TTLL9: variants seen among roughly 807,000 people sequenced by gnomAD.
TTLL9 encodes the protein tubulin tyrosine ligase like 9.
In TTLL9, 47 loss-of-function variants were observed where a neutral mutation model predicts 65.6. That is an observed-to-expected ratio of 0.72 (90% CI 0.57 to 0.91). TTLL9 has a LOEUF of 0.91. Among genes scored for constraint, TTLL9 ranks in the 40% least tolerant of loss-of-function variants. The pLI is 0.00. For missense variants in TTLL9, 537 were observed against 568.8 expected (o/e 0.94, Z 0.57); for synonymous variants, 179 against 204.8 (o/e 0.87, Z 1.07).
intron 3 of TTLL9, among the ~76,000 whole-genome samples, chr20:31,892,133 A>T (rs1410539106): frequency 1.3e-5 from 2 of 151,312 alleles, no homozygotes; most frequent in African/African-American, 4.9e-5. Context: ...ATACTTATTA[A>T]TTCATTTAAA....
chr20:31,903,579 GTCT>G (rs1174051867), intron 4 of TTLL9, among the ~76,000 whole-genome samples: 3 of 152,098 alleles, frequency 2.0e-5, no homozygotes, highest in Non-Finnish European at 4.4e-5. Context: ...TTACTCCTAT[GTCT>G]TCTTCTAAGA....
In TTLL9 at chr20:31,935,804, G is replaced by A. The variant is rs373903442; in HGVS notation, c.1004+916G>A. The stretch of plus-strand genomic sequence containing the variant: ...GTTAGGGGAGGGACCTCAGTTAATC[G>A]CCACCTGGCCTGCTGAGACCCCTAA... On this transcript the variant is annotated intron_variant, in intron 12 of 14. Transcript: ENST00000535842. 6.6e-5 allele frequency among the ~76,000 whole-genome samples: 10 copies of A among 152,270 alleles called. No homozygotes were observed. The South Asian group carries it at 8.3e-4, about 13-fold the overall frequency.
intron 2 of TTLL9, among the ~76,000 whole-genome samples, chr20:31,873,849 A>T (rs981060647): frequency 6.7e-6 from 1 of 150,086 alleles, no homozygotes. Context: ...AGAAAGAAAG[A>T]AAGAAAGAAA....
intron 2 of TTLL9, among the ~76,000 whole-genome samples, chr20:31,877,552 AC>A (rs2063053935): frequency 6.6e-6 from 1 of 152,224 alleles, no homozygotes. Context: ...AATAAATATA[AC>A]ATGTATATGT....
At chr20:31,910,545 C>T (rs907540001) in intron 6 of TTLL9, among the ~76,000 whole-genome samples, 26 of 152,178 alleles carry the variant, frequency 1.7e-4, no homozygotes, top group Non-Finnish European at 3.7e-4. Context: ...GAGGCCTACC[C>T]CCTTGTTCAA....
chr20:31,884,204 A>T (rs948705560), intron 2 of TTLL9: 8 of 408,868 alleles, frequency 2.0e-5, no homozygotes, highest in African/African-American at 1.7e-4. Flanking sequence ...GCACTAACTT[A>T]TTACCTTATA....
chr20:31,929,072 A>G (rs1179165292), intron 10 of TTLL9, among the ~76,000 whole-genome samples: 4 of 152,124 alleles, frequency 2.6e-5, no homozygotes, highest in Admixed American at 6.6e-5. Context: ...AGTTCTCGCT[A>G]TGTTGCCCAG....
chr20:31,888,872 A>G (rs1174967592), intron 3 of TTLL9, among the ~76,000 whole-genome samples: 2 of 152,106 alleles, frequency 1.3e-5, no homozygotes, highest in Non-Finnish European at 2.9e-5. Flanking sequence ...AAACTCACTT[A>G]TCACCAAGGG....
chr20:31,924,595 G>GT (rs2063866155), intron 8 of TTLL9, among the ~76,000 whole-genome samples: 1 of 147,280 alleles, frequency 6.8e-6, no homozygotes. Flanking sequence ...TTTTTGTTGT[G>GT]TTTTTTTGAG....
intron 4 of TTLL9, among the ~76,000 whole-genome samples, chr20:31,899,633 C>CAA (rs528679299): frequency 1.5e-5 from 2 of 137,642 alleles, no homozygotes; most frequent in African/African-American, 5.4e-5. Flanking sequence ...GACCCTGACT[C>CAA]AAAAAAAAAA....
intron 14 of TTLL9, 60 bp from the exon 15 acceptor site, chr20:31,942,885 A>C: frequency 2.6e-6 from 4 of 1,534,776 alleles, no homozygotes; most frequent in Non-Finnish European, 3.6e-6. Context: ...GTTGGGGCAC[A>C]GGCCCCTCCA....
intron 2 of TTLL9, among the ~76,000 whole-genome samples, chr20:31,882,527 A>G (rs1353672368): frequency 1.3e-5 from 2 of 152,142 alleles, no homozygotes; most frequent in African/African-American, 2.4e-5. Context: ...GCTACCTTCC[A>G]TGAATGGCAC....
At position 31,870,690 on chromosome 20, in the gene TTLL9, C is replaced by T. The variant is rs1357929558; in HGVS notation, c.-265C>T. 1.0e-5 allele frequency: 10 copies of T among 954,400 alleles called. No individual in the cohort carries two copies. The Middle Eastern group carries it at 1.0e-3, about 99-fold the overall frequency. 59.1% of individuals were successfully genotyped at this position (954,400 alleles called of 1,614,324 possible). A position where few individuals can be genotyped will look rare whatever the true frequency, so the allele number is the denominator to read the frequency against. On this transcript the variant is annotated 5_prime_UTR_variant, in exon 1 of 15. Coordinates refer to ENST00000535842, the MANE Select transcript of TTLL9 (RefSeq NM_001008409.5). The surrounding 1 kb of genome is among the most constrained non-coding windows in gnomAD (Gnocchi z 6.6). ...GGCAGTTTGTTGGGGCCGCGTGGGGCCGCCACCTCCGGAGGTGGGGGCGGG... is the reference window on the plus strand; with the variant it reads ...GGCAGTTTGTTGGGGCCGCGTGGGGTCGCCACCTCCGGAGGTGGGGGCGGG...
intron 6 of TTLL9, among the ~76,000 whole-genome samples, chr20:31,915,697 C>T (rs1212833398): frequency 1.3e-5 from 2 of 151,462 alleles, no homozygotes; most frequent in Non-Finnish European, 2.9e-5. Context: ...CCTGTCTGTT[C>T]GCTGGTTCTC....
intron 10 of TTLL9, 64 bp from the exon 11 acceptor site, chr20:31,933,736 G>T: frequency 1.3e-6 from 2 of 1,526,976 alleles, no homozygotes; most frequent in Non-Finnish European, 1.8e-6. Flanking sequence ...CAGTCCTGGG[G>T]ACTTCGTGGG....
At position 31,918,714 on chromosome 20, in the gene TTLL9, C is replaced by T. The variant is rs528715881; in HGVS notation, c.505-1150C>T. Among the ~76,000 whole-genome samples the T allele has an allele frequency of 1.2e-4, 18 of 152,300 alleles. 1 individual carries two copies. The South Asian group carries it at 3.5e-3, about 30-fold the overall frequency. ...TATGTTTACACTGGTAATCTTCTTT[C>T]GTAAAATGCCTGTTCAAGTCTTTTG... On this transcript the variant is annotated intron_variant, in intron 6 of 14. Coordinates refer to ENST00000535842, the MANE Select transcript of TTLL9 (RefSeq NM_001008409.5).
Position 31,913,927 on chromosome 20 carries a change from G to C in TTLL9, c.504+4005G>C, listed in dbSNP as rs147241352. On this transcript the variant is annotated intron_variant, in intron 6 of 14. Coordinates refer to ENST00000535842, the MANE Select transcript of TTLL9 (RefSeq NM_001008409.5). ...GTGGCTCCAGCCCGCCTCGTGGTGC[G>C]GGGAGGCGACTGCTTGGCTGTCACG... Among the ~76,000 whole-genome samples, 417 of 152,310 alleles carry C rather than the reference G, an allele frequency of 2.7e-3. 1 individual carries two copies. The highest frequency in any genetic ancestry group is 9.8e-3 in the African/African-American group (406 of 41,552).
chr20:31,878,800 A>G (rs2063070261), intron 2 of TTLL9, among the ~76,000 whole-genome samples: 1 of 152,234 alleles, frequency 6.6e-6, no homozygotes, highest in South Asian at 2.1e-4. Context: ...CTATCTGCAA[A>G]TGATAACTTT....
chr20:31,876,595 T>G (rs1240311758), intron 2 of TTLL9, among the ~76,000 whole-genome samples: 1 of 152,208 alleles, frequency 6.6e-6, no homozygotes, highest in Admixed American at 6.5e-5. Flanking sequence ...GTGTAAAAAT[T>G]TCTTTAGGAA....
Sources: gnomAD v4.1 joint callset for allele counts (sites outside exome capture counted in the v4.1 genomes callset) on GRCh38, gnomAD v4.1.1 for gene constraint, Gnocchi (gnomAD v3.1) non-coding constraint, MANE v1.5 for transcripts, NCBI Gene and HGNC (gene_info 2026-07-23, HGNC 2026-07-21) for gene names.